The following PDZD2 variants were observed in gnomAD, a reference collection of about 807,000 sequenced individuals.
PDZD2 encodes PDZ domain containing 2.
Under a neutral mutation model 220.7 loss-of-function variants are expected in PDZD2, and 90 were observed. The ratio of observed to expected loss-of-function variants is 0.41; its 90% confidence interval spans 0.34 to 0.49. The LOEUF is 0.49. Ranked by LOEUF, PDZD2 falls within the 20% of genes least tolerant of loss-of-function variation. The probability of loss-of-function intolerance (pLI) is 0.28; values close to 1 mark genes in which losing one functional copy is unlikely to be tolerated. For missense variants in PDZD2, 3,174 were observed against 3,608.5 expected (o/e 0.88, Z 3.08); for synonymous variants, 1,375 against 1,450.5 (o/e 0.95, Z 1.18).
chr5:31,680,933 C>G (rs917360716), intron 1 of PDZD2, among the ~76,000 whole-genome samples: 1 of 152,102 alleles, frequency 6.6e-6, no homozygotes, highest in Non-Finnish European at 1.5e-5. Context: ...CCTTGCCCCT[C>G]GGACAATTGC....
intron 2 of PDZD2, among the ~76,000 whole-genome samples, chr5:31,837,020 GAAAGAAAGAA>G (rs1756981950): frequency 2.5e-4 from 1 of 4,034 alleles, no homozygotes; most frequent in African/African-American, 7.8e-4. Context: ...TGTCTTAAAA[GAAAGAAAGAA>G]AGAAAGAAAG....
intron 2 of PDZD2, among the ~76,000 whole-genome samples, chr5:31,871,646 G>A (rs113176115): frequency 3.3e-5 from 5 of 151,388 alleles, no homozygotes; most frequent in Non-Finnish European, 5.9e-5. Flanking sequence ...ACTGGGTTTC[G>A]CCATGTTGGC....
chr5:31,967,995 A>G (rs929456320), intron 2 of PDZD2, among the ~76,000 whole-genome samples: 8 of 152,202 alleles, frequency 5.3e-5, no homozygotes, highest in African/African-American at 1.4e-4. Context: ...AGCATACACA[A>G]CTGCTATAGA....
At chr5:31,879,668 G>A (rs547047372) in intron 2 of PDZD2, among the ~76,000 whole-genome samples, 34 of 152,028 alleles carry the variant, frequency 2.2e-4, no homozygotes, top group Admixed American at 1.4e-3. Flanking sequence ...TTTCTTTCCT[G>A]TGCAGCAGCC....
chr5:31,650,551 A>G (rs1252082406), intron 1 of PDZD2, among the ~76,000 whole-genome samples: 1 of 152,140 alleles, frequency 6.6e-6, no homozygotes, highest in Non-Finnish European at 1.5e-5. Flanking sequence ...CCAGTGTACT[A>G]CTTCTCTGAA....
chr5:31,935,011 C>T (rs1031629301), intron 2 of PDZD2, among the ~76,000 whole-genome samples: 2 of 151,552 alleles, frequency 1.3e-5, no homozygotes, highest in Non-Finnish European at 2.9e-5. Context: ...TCTCTTGAAC[C>T]CGGAAGATGG....
intron 2 of PDZD2, chr5:31,908,555 C>T (rs995785688): frequency 1.0e-6 from 1 of 992,112 alleles, no homozygotes; most frequent in Non-Finnish European, 1.5e-6. Flanking sequence ...ACAGTAATGG[C>T]TGGTGTTGAT....
chr5:31,679,119 C>T (rs1352425426), intron 1 of PDZD2, among the ~76,000 whole-genome samples: 3 of 152,134 alleles, frequency 2.0e-5, no homozygotes, highest in Non-Finnish European at 4.4e-5. Context: ...CTGAACTGAC[C>T]AAGGAGAAAG....
chr5:31,799,467 C>A lies in PDZD2; in HGVS notation c.219C>A (p.Leu73=). ...PPEMEICTVY[L]TKELGDTETV... is the part of the protein sequence containing the mutation. ...AAATGGAGATCTGTACTGTGTACCT[C>A]ACCAAGGAGCTGGGGGACACAGAGA... The change falls in exon 2 of 25, where the codon CTC becomes CTA. Residue 73 remains leucine (L), a synonymous_variant. Coordinates refer to ENST00000438447, the MANE Select transcript of PDZD2 (RefSeq NM_178140.4). 6.2e-7 allele frequency: 1 copy of A among 1,614,198 alleles called. No homozygotes were observed. Among genetic ancestry groups the A allele is most frequent in the Non-Finnish European group, 8.5e-7 (1 of 1,180,020 alleles).
At chr5:32,105,417 C>T (rs1436200021) in intron 24 of PDZD2, among the ~76,000 whole-genome samples, 2 of 152,154 alleles carry the variant, frequency 1.3e-5, no homozygotes, top group Non-Finnish European at 1.5e-5. Flanking sequence ...AAGGAAAACA[C>T]ATTTTTTTTC....
chr5:32,088,888 T>C lies in PDZD2; in HGVS notation c.5440T>C (p.Leu1814=). Residue 1814 remains leucine (L), a synonymous_variant, in exon 20 of 25, where the codon TTG becomes CTG. Transcript: ENST00000438447. This position sits in a 1 kb window ranked among gnomAD's most constrained non-coding sequence, Gnocchi z 4.6. The part of the protein sequence containing the change: ...EINKHNQGTH[L]RSKTEKEQPL... The stretch of plus-strand genomic sequence containing the variant: ...AAATAAACATAACCAAGGCACACAT[T>C]TGAGGAGCAAAACCGAGAAGGAACA... The C allele has an allele frequency of 6.2e-7, 1 of 1,613,970 alleles. No individual in the cohort carries two copies. The highest frequency in any genetic ancestry group is 8.5e-7 in the Non-Finnish European group (1 of 1,179,986).
intron 1 of PDZD2, among the ~76,000 whole-genome samples, chr5:31,649,017 C>T (rs1412899170): frequency 6.6e-6 from 1 of 152,088 alleles, no homozygotes; most frequent in Non-Finnish European, 1.5e-5. Flanking sequence ...CTATTCATCC[C>T]TCCTGCCCCC....
chr5:31,719,331 G>A (rs1474393307), intron 1 of PDZD2, among the ~76,000 whole-genome samples: 1 of 152,148 alleles, frequency 6.6e-6, no homozygotes, highest in Non-Finnish European at 1.5e-5. Context: ...CCAGCAAACA[G>A]AATGGGCACA....
chr5:31,980,838 C>T (rs1750233630), intron 2 of PDZD2, among the ~76,000 whole-genome samples: 1 of 152,166 alleles, frequency 6.6e-6, no homozygotes, highest in African/African-American at 2.4e-5. Flanking sequence ...GGCTGGAGTG[C>T]AGTGGCGCGA....
intron 2 of PDZD2, among the ~76,000 whole-genome samples, chr5:31,968,108 G>T (rs1205044019): frequency 6.6e-6 from 1 of 152,186 alleles, no homozygotes; most frequent in Non-Finnish European, 1.5e-5. Flanking sequence ...CATGAGGGTG[G>T]TGCCTTCATG....
chr5:31,931,051 C>G (rs1390536362), intron 2 of PDZD2, among the ~76,000 whole-genome samples: 1 of 152,154 alleles, frequency 6.6e-6, no homozygotes, highest in Non-Finnish European at 1.5e-5. Context: ...GAGGCAGGGT[C>G]TCACTCTTTT....
intron 2 of PDZD2, among the ~76,000 whole-genome samples, chr5:31,824,923 G>A (rs1756122832): frequency 6.6e-6 from 1 of 152,192 alleles, no homozygotes; most frequent in Non-Finnish European, 1.5e-5. Context: ...CATGGCACAT[G>A]GTAAAGCTCT....
At chr5:31,803,839 C>A (rs1464309733) in intron 2 of PDZD2, among the ~76,000 whole-genome samples, 1 of 151,954 alleles carries the variant, frequency 6.6e-6, no homozygotes, top group East Asian at 1.9e-4. Context: ...GGTTCAAGAC[C>A]AGCCTGGGCA....
At chr5:31,847,044 T>C (rs1237563174) in intron 2 of PDZD2, among the ~76,000 whole-genome samples, 1 of 152,246 alleles carries the variant, frequency 6.6e-6, no homozygotes, top group East Asian at 1.9e-4. Flanking sequence ...TCATCTATTG[T>C]TGATATACAA....
Sources: gnomAD v4.1 joint callset for allele counts (sites outside exome capture counted in the v4.1 genomes callset) on GRCh38, gnomAD v4.1.1 for gene constraint, Gnocchi (gnomAD v3.1) non-coding constraint, MANE v1.5 for transcripts, NCBI Gene and HGNC (gene_info 2026-07-23, HGNC 2026-07-21) for gene names.